The following ANKLE2 variants were observed in gnomAD, a reference collection of about 807,000 sequenced individuals.
ANKLE2 encodes ankyrin repeat and LEM domain containing 2.
In ANKLE2, 55 loss-of-function variants were observed where a neutral mutation model predicts 84.2. The ratio of observed to expected loss-of-function variants is 0.65; its 90% CI spans 0.53 to 0.82. ANKLE2 has a LOEUF of 0.82. Among genes scored for constraint, ANKLE2 ranks in the 40% least tolerant of loss-of-function variants. ANKLE2 has a pLI of 0.00. For synonymous variants in ANKLE2, 551 were observed against 486.1 expected, an observed-to-expected ratio of 1.13 and a Z score of -1.76; for missense variants, 1,238 against 1,201.9, an observed-to-expected ratio of 1.03 and a Z score of -0.44.
chr12:132,729,887 T>C lies in ANKLE2; in HGVS notation c.2275A>G (p.Lys759Glu), dbSNP rs1324337413. The change falls in exon 11 of 13, where the codon AAA becomes GAA. Residue 759 changes from lysine to glutamate, a missense_variant. Around this residue, in one of 3 missense-constraint regions of ANKLE2, gnomAD observed 802 missense variants for 774.5 expected, o/e 1.04. Transcript: ENST00000357997. Reference sequence around the variant, plus strand: ...ATTCTTGAAGTCAGGATCTGATCTTTAGTTTTTGTACTTTCATCTGGTGTC... The same window carrying C: ...ATTCTTGAAGTCAGGATCTGATCTTCAGTTTTTGTACTTTCATCTGGTGTC... ...SKTPDESTKT[K>E]DQILTSRINA... The C allele has an allele frequency of 5.6e-6, 9 of 1,613,732 alleles. No individual in the cohort carries two copies. The highest frequency in any genetic ancestry group is 2.2e-5 in the South Asian group (2 of 91,076).
At chr12:132,751,608 T>C (rs1566034111) in intron 2 of ANKLE2, among the ~76,000 whole-genome samples, 1 of 148,820 alleles carries the variant, frequency 6.7e-6, no homozygotes, top group Non-Finnish European at 1.5e-5. Context: ...AGTGGTGTGA[T>C]CTTGGCTCAC....
intron 1 of ANKLE2, chr12:132,761,161 C>T (rs2044615428): frequency 6.5e-6 from 1 of 154,640 alleles, no homozygotes; most frequent in Non-Finnish European, 1.4e-5. Flanking sequence ...GGCCCCAAAC[C>T]CCTGAGTTAC....
Position 132,728,050 on chromosome 12 carries a change from G to T in ANKLE2, c.2597C>A (p.Ser866Ter). Residue 866 changes from serine to a stop codon, truncating the protein, a stop_gained, in exon 12 of 13, where the codon TCA (serine) becomes TAA (stop). Transcript: ENST00000357997. LOFTEE classifies it low-confidence loss of function (END_TRUNC). ...HRWKSAVLCYSPSDRQSWPSP... is the reference protein window; with the variant it reads ...HRWKSAVLCY ...CACATACCTCTGTCTGTCCGAGGGTGAGTAGCACAGGACAGCACTCTTCCA... is the reference window on the plus strand; with the variant it reads ...CACATACCTCTGTCTGTCCGAGGGTTAGTAGCACAGGACAGCACTCTTCCA... 6.2e-7 allele frequency: 1 copy of T among 1,609,474 alleles called. No homozygotes were observed. Among genetic ancestry groups the T allele is most frequent in the East Asian group, 2.2e-5 (1 of 44,868 alleles).
At position 132,727,728 on chromosome 12, in the gene ANKLE2, G is replaced by A. The variant is rs577811250; in HGVS notation, c.2616-285C>T. Reference sequence around the variant, plus strand: ...AGAGGCACTGCTGAACCCTGGCACCGCGGGCACTGGGAGAGTCAAGCTCAT... The same window carrying A: ...AGAGGCACTGCTGAACCCTGGCACCACGGGCACTGGGAGAGTCAAGCTCAT... On this transcript the variant is annotated intron_variant, in intron 12 of 12. Coordinates refer to ENST00000357997, the MANE Select transcript of ANKLE2 (RefSeq NM_015114.3). Among the ~76,000 whole-genome samples, 466 of 151,728 alleles carry A rather than the reference G, an allele frequency of 3.1e-3. 3 individuals carry two copies. The highest frequency in any genetic ancestry group is 0.011 in the African/African-American group (433 of 41,016).
chr12:132,745,039 G>C (rs964552796), intron 5 of ANKLE2: 1 of 152,330 alleles, frequency 6.6e-6, no homozygotes, highest in Non-Finnish European at 1.5e-5. Context: ...AGCCAGCAGA[G>C]GCAGCTCCCG....
chr12:132,735,361 A>G (rs2043986356), intron 9 of ANKLE2, 45 bp downstream of exon 9: 1 of 1,544,536 alleles, frequency 6.5e-7, no homozygotes, highest in Non-Finnish European at 9.0e-7. Flanking sequence ...ATCAAAATGC[A>G]ACCAACTGTG....
chr12:132,750,204 C>CAAAAAAAAA (rs1038591889), intron 3 of ANKLE2, among the ~76,000 whole-genome samples: 1 of 79,432 alleles, frequency 1.3e-5, no homozygotes. Flanking sequence ...GACTCCATCT[C>CAAAAAAAAA]AAAAAAAAAA....
At chr12:132,761,485 G>C (rs2044624270) in intron 1 of ANKLE2, 133 bp downstream of exon 1, 5 of 787,984 alleles carry the variant, frequency 6.3e-6, no homozygotes, top group South Asian at 1.3e-4. Flanking sequence ...TTCCCGACCG[G>C]CCCTGGTTTC....
rs78447060 is a variant in ANKLE2, at chr12:132,730,747, G to A, written c.1892-477C>T. On this transcript the variant is annotated intron_variant, in intron 10 of 12. Coordinates refer to ENST00000357997, the MANE Select transcript of ANKLE2 (RefSeq NM_015114.3). The stretch of plus-strand genomic sequence containing the variant: ...GGAGGATCGCTTGAGCCCAGGAGGG[G>A]GAGGCTGCAGTGGGCTGTGACTGCA... 453 of 159,122 alleles carry A rather than the reference G, an allele frequency of 2.8e-3. 4 individuals carry two copies. The highest frequency in any genetic ancestry group is 0.028 in the East Asian group (154 of 5,450). The allele number at this position is 159,122 out of a possible 1,614,324, so 9.9% of individuals were successfully genotyped here. A position where few individuals can be genotyped will look rare whatever the true frequency, so the allele number is the denominator to read the frequency against.
intron 10 of ANKLE2, chr12:132,730,495 C>T: frequency 1.9e-6 from 1 of 526,764 alleles, no homozygotes; most frequent in Non-Finnish European, 3.4e-6. Context: ...ACACGACTCC[C>T]TGGAAAAGGG....
At chr12:132,740,261 C>T (rs2044094817) in intron 7 of ANKLE2, among the ~76,000 whole-genome samples, 1 of 152,180 alleles carries the variant, frequency 6.6e-6, no homozygotes, top group South Asian at 2.1e-4. Context: ...CAGCTACACA[C>T]ACTGAAGAAG....
chr12:132,757,335 G>A (rs2136184917), intron 1 of ANKLE2: 1 of 152,386 alleles, frequency 6.6e-6, no homozygotes, highest in East Asian at 1.9e-4. Flanking sequence ...TTCCTGTAAA[G>A]GGCGAGAGAG....
rs1043769204 is a variant in ANKLE2 at position 132,755,413 on chromosome 12, C to T, written c.182-280G>A. The T allele has an allele frequency of 3.6e-5, 10 of 275,326 alleles. 1 individual carries two copies. In the South Asian group the frequency reaches 4.0e-4, roughly 11 times the overall value. 17.1% of individuals were successfully genotyped at this position (275,326 alleles called of 1,614,324 possible). A position where few individuals can be genotyped will look rare whatever the true frequency, so the allele number is the denominator to read the frequency against. ...ACAAAAAATTAGCCGGGTGTGGTGGCGGATGCCTGTAATCCCAGCTACTTG... is the reference window on the plus strand; with the variant it reads ...ACAAAAAATTAGCCGGGTGTGGTGGTGGATGCCTGTAATCCCAGCTACTTG... On this transcript the variant is annotated intron_variant, in intron 1 of 12. Coordinates refer to ENST00000357997, the MANE Select transcript of ANKLE2 (RefSeq NM_015114.3).
At chr12:132,758,933 G>C (rs1485899450) in intron 1 of ANKLE2, 1 of 139,774 alleles carries the variant, frequency 7.2e-6, no homozygotes, top group East Asian at 2.4e-4. Flanking sequence ...CCACGTGGCA[G>C]AGTGGATCAC....
At position 132,728,071 on chromosome 12, in the gene ANKLE2, TTCC is replaced by T. The variant is rs1566007695; in HGVS notation, c.2573_2575del (p.Trp858_Lys859delinsTer). On this transcript the variant is annotated stop_gained and inframe_deletion, in exon 12 of 13. Coordinates refer to ENST00000357997, the MANE Select transcript of ANKLE2 (RefSeq NM_015114.3). LOFTEE classifies it low-confidence loss of function (END_TRUNC). Reference sequence around the variant, plus strand: ...GGGTGAGTAGCACAGGACAGCACTCTTCCATCTGTGCACGGCCGGGAACTGATG... The same window carrying T: ...GGGTGAGTAGCACAGGACAGCACTCTATCTGTGCACGGCCGGGAACTGATG... The T allele has an allele frequency of 6.2e-7, 1 of 1,612,842 alleles. No individual in the cohort carries two copies. Among genetic ancestry groups the T allele is most frequent in the South Asian group, 1.1e-5 (1 of 91,088 alleles).
chr12:132,741,577 A>G lies in ANKLE2; in HGVS notation c.1354-92T>C, dbSNP rs1356110821. ...TCAGAAAAATAGTTTTAAACTCAGT[A>G]AAGTAGAATAGTATCTTAATGCTAA... On this transcript the variant is annotated intron_variant, in intron 6 of 12. Transcript: ENST00000357997. The G allele has an allele frequency of 7.5e-6, 9 of 1,200,538 alleles. No homozygotes were observed. In the Admixed American group the frequency reaches 1.1e-4, roughly 14 times the overall value. 74.4% of individuals were successfully genotyped at this position (1,200,538 alleles called of 1,614,324 possible). A position where few individuals can be genotyped will look rare whatever the true frequency, so the allele number is the denominator to read the frequency against.
Position 132,741,490 on chromosome 12 carries a change from T to G in ANKLE2, c.1354-5A>C. On this transcript the variant is annotated splice_polypyrimidine_tract_variant and splice_region_variant and intron_variant, in intron 6 of 12. Coordinates refer to ENST00000357997, the MANE Select transcript of ANKLE2 (RefSeq NM_015114.3). ...TTTGCTTCTTTCACAAATTACCTATTGGAAAAAAAAGTGTGTCTAAATCTT... is the reference window on the plus strand; with the variant it reads ...TTTGCTTCTTTCACAAATTACCTATGGGAAAAAAAAGTGTGTCTAAATCTT... 1 of 1,613,626 alleles carries G rather than the reference T, an allele frequency of 6.2e-7. No individual in the cohort carries two copies. Among genetic ancestry groups the G allele is most frequent in the Non-Finnish European group, 8.5e-7 (1 of 1,179,682 alleles).
Position 132,750,793 on chromosome 12 carries a change from T to C in ANKLE2, c.697A>G (p.Lys233Glu). The C allele has an allele frequency of 6.2e-7, 1 of 1,614,226 alleles. No individual in the cohort carries two copies. The highest frequency in any genetic ancestry group is 8.5e-7 in the Non-Finnish European group (1 of 1,180,032). Residue 233 changes from lysine (K) to glutamate (E), a missense_variant, in exon 3 of 13, where the codon AAA (lysine) becomes GAA (glutamate). Around this residue, in one of 3 missense-constraint regions of ANKLE2, gnomAD observed 422 missense variants for 394.5 expected, o/e 1.07. Coordinates refer to ENST00000357997, the MANE Select transcript of ANKLE2 (RefSeq NM_015114.3). The stretch of plus-strand genomic sequence containing the variant: ...GAAAAAGCTTTAAATCGGGACCCTT[T>C]GATCATCTTGACAGCTTGCAATGCT... Reference protein sequence around the residue: ...KEALQAVKMIKGSRFKAFSTR... With the variant: ...KEALQAVKMIEGSRFKAFSTR...
chr12:132,747,589 A>G (rs983655998), intron 5 of ANKLE2, among the ~76,000 whole-genome samples: 2 of 152,182 alleles, frequency 1.3e-5, no homozygotes, highest in African/African-American at 2.4e-5. Flanking sequence ...GTCCCCAGAC[A>G]GTTCAGACAC....
Sources: allele counts gnomAD v4.1 joint callset (sites outside exome capture counted in the v4.1 genomes callset), GRCh38; gene constraint gnomAD v4.1.1; regional missense constraint gnomAD v4.1.1; transcripts MANE v1.5; gene names NCBI Gene and HGNC (gene_info 2026-07-23, HGNC 2026-07-21).